The following SLC25A45 variants were observed in gnomAD, a reference collection of about 807,000 sequenced individuals.
SLC25A45 encodes solute carrier family 25 member 45.
A neutral mutation model predicts 23.0 loss-of-function variants in SLC25A45; 22 were observed. The observed-to-expected ratio is 0.95, with a 90% CI of 0.68 to 1.36. SLC25A45 has a LOEUF of 1.36. Among genes scored for constraint, SLC25A45 ranks in the 40% most tolerant of loss-of-function variants. SLC25A45 has a pLI of 0.00. For synonymous variants in SLC25A45, 136 were observed against 155.0 expected, an observed-to-expected ratio of 0.88 and a Z score of 0.91; for missense variants, 355 against 383.5, an observed-to-expected ratio of 0.93 and a Z score of 0.62.
rs199825901 is a variant in SLC25A45, at chr11:65,376,950, G to T, written c.466C>A (p.Arg156=). The T allele has an allele frequency of 7.2e-5, 116 of 1,612,908 alleles. No homozygotes were observed. The Admixed American group carries it at 1.9e-3, about 26-fold the overall frequency. ...GPVHCAASIF[R]EEGPRGLFRG... ...AACAGCCCCCGGGGCCCCTCCTCCC[G>T]GAAGATGGAGGCTGCACAGTGCACG... is the stretch of plus-strand genomic sequence containing the variant. Residue 156 remains arginine (R), a synonymous_variant, in exon 6 of 7, where the codon CGG becomes AGG. Transcript: ENST00000398802.
At chr11:65,378,954 G>C (rs972422253) in intron 5 of SLC25A45, 2 of 194,120 alleles carry the variant, frequency 1.0e-5, no homozygotes, top group African/African-American at 4.8e-5. Context: ...AGCCAGGCAG[G>C]GCCAGGGGAG....
rs1248005144 is a variant in SLC25A45 at position 65,376,615 on chromosome 11, G to T, written c.659C>A (p.Thr220Lys). 9 of 1,614,004 alleles carry T rather than the reference G, an allele frequency of 5.6e-6. No homozygotes were observed. The highest frequency in any genetic ancestry group is 6.8e-6 in the Non-Finnish European group (8 of 1,179,946). ...CCGGGACTTGATCATGTCTAAGGGC[G>T]TGGCTGCCACCCAGGAAGCAATGCC... ...FAGIASWVAA[T>K]PLDMIKSRMQ... Residue 220 changes from threonine (T) to lysine (K), a missense_variant, in exon 7 of 7, where the codon ACG becomes AAG. Physicochemically the swap from Thr to Lys is moderately conservative, Grantham distance 78. Coordinates refer to ENST00000398802, the MANE Select transcript of SLC25A45 (RefSeq NM_182556.4).
chr11:65,380,739 G>A (rs546358849), intron 2 of SLC25A45: 42 of 514,118 alleles, frequency 8.2e-5, no homozygotes, highest in Non-Finnish European at 1.2e-4. Flanking sequence ...CTGGAGTTTG[G>A]GGGAGGTCGC....
In SLC25A45 at chr11:65,381,755, C is replaced by T. The variant is rs561043200; in HGVS notation, c.37+160G>A. On this transcript the variant is annotated intron_variant, in intron 2 of 6. Transcript: ENST00000398802. ...ATTTTTTTGTAGAGACAGGGGCCTC[C>T]CTATGTTGCCCAGACTGGTCTCAAA... The T allele has an allele frequency of 1.3e-5, 11 of 817,458 alleles. No individual in the cohort carries two copies. The East Asian group carries it at 1.7e-4, about 13-fold the overall frequency. The allele number at this position is 817,458 out of a possible 1,614,324, so 50.6% of individuals were successfully genotyped here.
chr11:65,379,772 C>A, intron 4 of SLC25A45, 95 bp downstream of exon 4: 3 of 1,515,148 alleles, frequency 2.0e-6, no homozygotes, highest in Non-Finnish European at 2.7e-6. Context: ...CTTCTCTCCT[C>A]CAGGAGCAGA....
intron 2 of SLC25A45, 87 bp downstream of exon 2, chr11:65,381,828 G>T (rs1486411427): frequency 6.4e-7 from 1 of 1,555,572 alleles, no homozygotes; most frequent in Admixed American, 1.7e-5. Flanking sequence ...TCAGACTTTG[G>T]TCTCTGCTCC....
chr11:65,382,078 G>T lies in SLC25A45; in HGVS notation c.-18-109C>A. 2 of 874,326 alleles carry T rather than the reference G, an allele frequency of 2.3e-6. No individual in the cohort carries two copies. Among genetic ancestry groups the T allele is most frequent in the Non-Finnish European group, 3.8e-6 (2 of 528,656 alleles). 54.2% of individuals were successfully genotyped at this position (874,326 alleles called of 1,614,324 possible). On this transcript the variant is annotated intron_variant, in intron 1 of 6. Coordinates refer to ENST00000398802, the MANE Select transcript of SLC25A45 (RefSeq NM_182556.4). The surrounding 1 kb of genome is among the most constrained non-coding windows in gnomAD (Gnocchi z 4.4). ...AACCCTGGCGGGAAGGTGAGAATTG[G>T]CCTGGTGCCCAGACCTCCGGCAACT...
intron 3 of SLC25A45, 21 bp downstream of exon 3, chr11:65,380,111 T>C: frequency 6.2e-7 from 1 of 1,611,214 alleles, no homozygotes; most frequent in South Asian, 1.1e-5. Flanking sequence ...TTCATTCCTC[T>C]GGCAGCTCTC....
Position 65,381,894 on chromosome 11 carries a change from GA to G in SLC25A45, c.37+20del, listed in dbSNP as rs1565586157. 1 of 1,614,056 alleles carries G rather than the reference GA, an allele frequency of 6.2e-7. No homozygotes were observed. Among genetic ancestry groups the G allele is most frequent in the Non-Finnish European group, 8.5e-7 (1 of 1,179,964 alleles). ...ACCTACCATTGGGTGTGATGTGACA[GA>G]AGGAAGAAAAATGTCTCACCAGAGA... On this transcript the variant is annotated intron_variant, in intron 2 of 6. Transcript: ENST00000398802.
intron 2 of SLC25A45, 159 bp from the exon 3 acceptor site, chr11:65,380,334 T>C: frequency 9.1e-7 from 1 of 1,092,982 alleles, no homozygotes; most frequent in South Asian, 1.5e-5. Flanking sequence ...AGACTCCAGC[T>C]GCCCCTGCCA....
At chr11:65,377,225 T>C in intron 5 of SLC25A45, 149 bp from the exon 6 acceptor site, 1 of 1,436,716 alleles carries the variant, frequency 7.0e-7, no homozygotes. Flanking sequence ...CGTGCATGTG[T>C]GGCTGGGATG....
chr11:65,382,157 C>A lies in SLC25A45; in HGVS notation c.-18-188G>T, dbSNP rs921989227. The A allele has an allele frequency of 1.6e-5, 10 of 615,122 alleles. No homozygotes were observed. Among genetic ancestry groups the A allele is most frequent in the Non-Finnish European group, 2.9e-5 (10 of 339,522 alleles). 38.1% of individuals were successfully genotyped at this position (615,122 alleles called of 1,614,324 possible). On this transcript the variant is annotated intron_variant, in intron 1 of 6. Coordinates refer to ENST00000398802, the MANE Select transcript of SLC25A45 (RefSeq NM_182556.4). This position sits in a 1 kb window ranked among gnomAD's most constrained non-coding sequence, Gnocchi z 4.4. ...ACCCTGGCCACCTGGAGGAGTCGTG[C>A]AGAGTACAGTCTCACGGGCCAGGCG...
At chr11:65,379,786 C>T (rs1181941246) in intron 4 of SLC25A45, 81 bp downstream of exon 4, 1 of 1,563,646 alleles carries the variant, frequency 6.4e-7, no homozygotes, top group African/African-American at 1.4e-5. Flanking sequence ...GAGCAGAACC[C>T]TGCTGGAGAG....
At chr11:65,381,114 G>C (rs1855529062) in intron 2 of SLC25A45, 1 of 153,362 alleles carries the variant, frequency 6.5e-6, no homozygotes, top group Admixed American at 6.5e-5. Context: ...AGCTGGCTCT[G>C]GGGTGCTCCA....
At position 65,376,926 on chromosome 11, in the gene SLC25A45, A is replaced by G. The variant is rs2137770541; in HGVS notation, c.490T>C (p.Phe164Leu). The part of the protein sequence containing the change: ...IFREEGPRGL[F>L]RGAWALTLRD... ...AGCGTCAGGGCCCAGGCTCCTCGGA[A>G]CAGCCCCCGGGGCCCCTCCTCCCGG... The change falls in exon 6 of 7, where the codon TTC (phenylalanine) becomes CTC (leucine). Residue 164 changes from phenylalanine to leucine, a missense_variant. Phe to Leu is a conservative substitution (Grantham distance 22, BLOSUM62 0). Transcript: ENST00000398802. 2 of 1,613,444 alleles carry G rather than the reference A, an allele frequency of 1.2e-6. No homozygotes were observed. Among genetic ancestry groups the G allele is most frequent in the Non-Finnish European group, 1.7e-6 (2 of 1,179,536 alleles).
chr11:65,379,651 A>G (rs1590633625), intron 4 of SLC25A45, 90 bp from the exon 5 acceptor site: 2 of 1,398,822 alleles, frequency 1.4e-6, no homozygotes, highest in Non-Finnish European at 1.9e-6. Flanking sequence ...CTGGCTGGAA[A>G]CTGCTCCCAA....
At chr11:65,376,698 C>G (rs1202513620) in intron 6 of SLC25A45, 23 bp from the exon 7 acceptor site, 1 of 1,613,258 alleles carries the variant, frequency 6.2e-7, no homozygotes, top group Non-Finnish European at 8.5e-7. Context: ...GAGCCCAGAG[C>G]AGGGGTCAGA....
Position 65,381,560 on chromosome 11 carries a change from CTTTTT to C in SLC25A45, c.37+350_37+354del, listed in dbSNP as rs34891223. The C allele has an allele frequency of 2.6e-3, 221 of 84,628 alleles. 2 individuals are homozygous for C. The highest frequency in any genetic ancestry group is 8.9e-3 in the African/African-American group (154 of 17,364). The allele number at this position is 84,628 out of a possible 1,614,324, so 5.2% of individuals were successfully genotyped here. A position where few individuals can be genotyped will look rare whatever the true frequency, so the allele number is the denominator to read the frequency against. The stretch of plus-strand genomic sequence containing the variant: ...AGGTGTGAGCCACCATGCCCTGATT[CTTTTT>C]TTTTTTTTTTTTTTTTTTTTGTGGC... On this transcript the variant is annotated intron_variant, in intron 2 of 6. Coordinates refer to ENST00000398802, the MANE Select transcript of SLC25A45 (RefSeq NM_182556.4).
In SLC25A45 at chr11:65,376,556, G is replaced by C. The variant is rs751271846; in HGVS notation, c.718C>G (p.Gln240Glu). ...QMDGLRRRVY[Q>E]GMLDCMVSSI... ...CTCACCATGCAGTCCAGCATCCCCT[G>C]GTACACTCTGCGTCTCAGTCCATCC... The change falls in exon 7 of 7, where the codon CAG becomes GAG. Residue 240 changes from glutamine (Q) to glutamate (E), a missense_variant. Physicochemically the swap from Gln to Glu is conservative, Grantham distance 29 (BLOSUM62 2). Coordinates refer to ENST00000398802, the MANE Select transcript of SLC25A45 (RefSeq NM_182556.4). 6.2e-7 allele frequency: 1 copy of C among 1,614,150 alleles called. No homozygotes were observed. The highest frequency in any genetic ancestry group is 1.1e-5 in the South Asian group (1 of 91,084).
Sources: gnomAD v4.1 joint callset for allele counts on GRCh38, gnomAD v4.1.1 for gene constraint, Gnocchi (gnomAD v3.1) non-coding constraint, MANE v1.5 for transcripts, NCBI Gene and HGNC (gene_info 2026-07-23, HGNC 2026-07-21) for gene names.